FBXO25: variants seen among roughly 807,000 people sequenced by gnomAD.
The protein encoded by FBXO25 is F-box protein 25, also known as F-box only protein 25.
Under a neutral mutation model 51.9 loss-of-function variants are expected in FBXO25, and 45 were observed. The observed-to-expected ratio is 0.87, with a 90% confidence interval of 0.68 to 1.11. The LOEUF (loss-of-function observed/expected upper bound fraction) is 1.11, where lower values mean the gene tolerates loss of function less well. Ranked by LOEUF, FBXO25 falls within the 50% of genes most tolerant of loss-of-function variation. FBXO25 has a pLI of 0.00. For synonymous variants in FBXO25, 199 were observed against 151.0 expected (o/e 1.32, Z -2.33); for missense variants, 507 against 428.5 (o/e 1.18, Z -1.62).
chr8:434,832 C>T (rs1404800283), intron 4 of FBXO25, among the ~76,000 whole-genome samples: 3 of 152,174 alleles, frequency 2.0e-5, no homozygotes, highest in Non-Finnish European at 4.4e-5. Flanking sequence ...GGAAGAAAAA[C>T]ATCTAAGAGA....
At chr8:421,341 G>A (rs1355744504) in intron 2 of FBXO25, among the ~76,000 whole-genome samples, 2 of 152,192 alleles carry the variant, frequency 1.3e-5, no homozygotes, top group Admixed American at 6.5e-5. Flanking sequence ...AAACGGTTAG[G>A]GAATGCTGCC....
At chr8:443,547 G>C (rs1441357130) in intron 5 of FBXO25, among the ~76,000 whole-genome samples, 1 of 151,232 alleles carries the variant, frequency 6.6e-6, no homozygotes, top group Non-Finnish European at 1.5e-5. Flanking sequence ...AGAGAAAAGG[G>C]ACAACCCCAA....
At chr8:426,409 G>T (rs1227601663) in intron 2 of FBXO25, among the ~76,000 whole-genome samples, 1 of 151,884 alleles carries the variant, frequency 6.6e-6, no homozygotes, top group Admixed American at 6.6e-5. Flanking sequence ...AGCCACTCAC[G>T]AGTCCAGTTT....
chr8:460,993 C>A (rs748424526), intron 8 of FBXO25, among the ~76,000 whole-genome samples: 2 of 152,174 alleles, frequency 1.3e-5, no homozygotes, highest in Non-Finnish European at 2.9e-5. Flanking sequence ...GCAGCAACAG[C>A]CATAAAGACT....
chr8:414,447 A>T lies in FBXO25; in HGVS notation c.134+1234A>T, dbSNP rs1209977130. ...TAAATGTGGATTTTAGGATGGGGAG[A>T]TATATTACAGAATGTCAATTTAAAA... On this transcript the variant is annotated intron_variant, in intron 2 of 9. Transcript: ENST00000350302. 2.0e-5 allele frequency among the ~76,000 whole-genome samples: 3 copies of T among 152,108 alleles called. No homozygotes were observed. In the East Asian group the frequency reaches 5.8e-4, roughly 29 times the overall value.
rs541251565 is a variant in FBXO25 at position 445,252 on chromosome 8, C to A, written c.382-4738C>A. On this transcript the variant is annotated intron_variant, in intron 5 of 9. Transcript: ENST00000350302. ...TAAGCTAATCCCTTGCCTTCTGCTG[C>A]TGATTTCAGTCTTTTTAAAAGGAAT... 1.6e-3 allele frequency among the ~76,000 whole-genome samples: 249 copies of A among 152,280 alleles called. 2 individuals carry two copies. Among genetic ancestry groups the A allele is most frequent in the Non-Finnish European group, 1.9e-3 (131 of 68,028 alleles).
chr8:468,400 C>T (rs1054573202), intron 9 of FBXO25: 29 of 510,496 alleles, frequency 5.7e-5, no homozygotes, highest in African/African-American at 8.3e-5. Flanking sequence ...CTTCTGTGGC[C>T]TTGTAGATTC....
At position 446,365 on chromosome 8, in the gene FBXO25, T is replaced by G. The variant is rs1585065636; in HGVS notation, c.382-3625T>G. 3.3e-5 allele frequency among the ~76,000 whole-genome samples: 5 copies of G among 152,226 alleles called. No individual in the cohort carries two copies. The East Asian group carries it at 7.7e-4, about 23-fold the overall frequency. On this transcript the variant is annotated intron_variant, in intron 5 of 9. Transcript: ENST00000350302. The stretch of plus-strand genomic sequence containing the variant: ...AGATATTTGTACATTTTGGTCTGTT[T>G]CTTTCATGTCTTAGTGCTGTAGGGC...
At position 427,078 on chromosome 8, in the gene FBXO25, A is replaced by G. The variant is rs898531950; in HGVS notation, c.135-4263A>G. Among the ~76,000 whole-genome samples, 15 of 152,228 alleles carry G rather than the reference A, an allele frequency of 9.9e-5. 1 individual carries two copies. The highest frequency in any genetic ancestry group is 2.4e-4 in the African/African-American group (10 of 41,542). On this transcript the variant is annotated intron_variant, in intron 2 of 9. Transcript: ENST00000350302. Reference sequence around the variant, plus strand: ...TAAACGTAAACATTTGCCTACCAGGAGAAAATAATACGACCTGATTGGAAA... The same window carrying G: ...TAAACGTAAACATTTGCCTACCAGGGGAAAATAATACGACCTGATTGGAAA...
chr8:461,706 T>C (rs933369080), intron 8 of FBXO25, among the ~76,000 whole-genome samples: 2 of 152,172 alleles, frequency 1.3e-5, no homozygotes, highest in Admixed American at 6.5e-5. Flanking sequence ...TAATCGACTT[T>C]CTGTCTCTGT....
At chr8:456,905 C>A (rs535151361) in intron 7 of FBXO25, among the ~76,000 whole-genome samples, 1 of 152,168 alleles carries the variant, frequency 6.6e-6, no homozygotes, top group Non-Finnish European at 1.5e-5. Context: ...GGTGTCAAGG[C>A]ACGGGTGCCC....
intron 2 of FBXO25, among the ~76,000 whole-genome samples, chr8:425,085 C>A (rs555092026): frequency 6.6e-6 from 1 of 152,050 alleles, no homozygotes; most frequent in Non-Finnish European, 1.5e-5. Flanking sequence ...TGTGACCACA[C>A]CCGGGTCAAG....
At chr8:418,595 C>A (rs574851505) in intron 2 of FBXO25, among the ~76,000 whole-genome samples, 3 of 152,296 alleles carry the variant, frequency 2.0e-5, no homozygotes, top group East Asian at 3.9e-4. Flanking sequence ...CCGCCTCAGC[C>A]TCCCAAAGTG....
In FBXO25 at chr8:449,982, C is replaced by G; in HGVS notation, c.382-8C>G. 2 of 1,599,292 alleles carry G rather than the reference C, an allele frequency of 1.3e-6. No homozygotes were observed. Among genetic ancestry groups the G allele is most frequent in the African/African-American group, 1.3e-5 (1 of 74,444 alleles). ...TATCGCTCAGCTTTTTTCCGTCTTT[C>G]CTTTAAGCTGTTGCAGCTAATTGCA... is the stretch of plus-strand genomic sequence containing the variant. On this transcript the variant is annotated splice_region_variant and splice_polypyrimidine_tract_variant and intron_variant, in intron 5 of 9. Coordinates refer to ENST00000350302, the MANE Select transcript of FBXO25 (RefSeq NM_183420.2).
intron 1 of FBXO25, among the ~76,000 whole-genome samples, chr8:411,230 A>C (rs1004205939): frequency 1.2e-4 from 18 of 152,336 alleles, no homozygotes; most frequent in Middle Eastern, 3.4e-3. Flanking sequence ...TTCTGTAGCT[A>C]AATTCAACGT....
rs574942037 is a variant in FBXO25, at chr8:432,232, G to A, written c.239-654G>A. The stretch of plus-strand genomic sequence containing the variant: ...GACGGCTACTGAGTGACCAAGGGGC[G>A]GGTAGTGTAGGACTCGCTTGACAAA... On this transcript the variant is annotated intron_variant, in intron 3 of 9. Transcript: ENST00000350302. Among the ~76,000 whole-genome samples, 30 of 152,234 alleles carry A rather than the reference G, an allele frequency of 2.0e-4. No homozygotes were observed. The South Asian group carries it at 3.3e-3, about 17-fold the overall frequency.
At chr8:453,354 G>A (rs1024035815) in intron 7 of FBXO25, among the ~76,000 whole-genome samples, 1 of 152,078 alleles carries the variant, frequency 6.6e-6, no homozygotes, top group African/African-American at 2.4e-5. Context: ...TCTGGAGCAC[G>A]CAGCTTGGCA....
At chr8:451,709 C>T (rs1386381190) in intron 7 of FBXO25, among the ~76,000 whole-genome samples, 2 of 150,728 alleles carry the variant, frequency 1.3e-5, no homozygotes, top group African/African-American at 5.0e-5. Flanking sequence ...ATAAATTTAC[C>T]TTCATGGGAA....
At chr8:467,794 G>C (rs989211801) in intron 9 of FBXO25, 1 of 1,608,256 alleles carries the variant, frequency 6.2e-7, no homozygotes, top group South Asian at 1.1e-5. Context: ...TGAAAACGTT[G>C]CATCGTGCTG....
Sources: allele counts gnomAD v4.1 joint callset (sites outside exome capture counted in the v4.1 genomes callset), GRCh38; gene constraint gnomAD v4.1.1; transcripts MANE v1.5; gene names NCBI Gene and HGNC (gene_info 2026-07-23, HGNC 2026-07-21).